The following PSORS1C1 variants were observed in gnomAD, a reference collection of about 807,000 sequenced individuals.
PSORS1C1 encodes psoriasis susceptibility 1 candidate 1, also known as psoriasis susceptibility 1 candidate gene 1 protein.
PSORS1C1 carries 7 observed loss-of-function variants against 9.4 expected under a neutral mutation model. The ratio of observed to expected loss-of-function variants is 0.75; its 90% CI spans 0.42 to 1.40. The LOEUF is 1.40. Among genes scored for constraint, PSORS1C1 ranks in the 40% most tolerant of loss-of-function variants. The pLI, the probability that PSORS1C1 is intolerant of heterozygous loss-of-function variation, is 0.01. For synonymous variants in PSORS1C1, 63 were observed against 69.4 expected (o/e 0.91, Z 0.46); for missense variants, 146 against 178.1 (o/e 0.82, Z 1.02).
chr6:31,138,475 C>T lies in PSORS1C1; in HGVS notation c.43+16C>T, dbSNP rs570814240. On this transcript the variant is annotated intron_variant, in intron 4 of 5. Coordinates refer to ENST00000259881, the MANE Select transcript of PSORS1C1 (RefSeq NM_014068.3). ...AGAGCTCTCGGTAGGTTTGTAAATA[C>T]TTAACTGATGGTAAAATGTCATGAA... 3 of 1,610,620 alleles carry T rather than the reference C, an allele frequency of 1.9e-6. No individual in the cohort carries two copies. The highest frequency in any genetic ancestry group is 4.5e-5 in the East Asian group (2 of 44,688).
At chr6:31,138,594 C>T in intron 4 of PSORS1C1, 62 bp from the exon 5 acceptor site, 5 of 1,611,250 alleles carry the variant, frequency 3.1e-6, no homozygotes, top group Non-Finnish European at 4.2e-6. Flanking sequence ...GGTTGGGGTA[C>T]CCCACTAGCT....
intron 3 of PSORS1C1, among the ~76,000 whole-genome samples, chr6:31,131,778 T>C (rs921193610): frequency 2.0e-5 from 3 of 152,184 alleles, no homozygotes; most frequent in Admixed American, 1.3e-4. Flanking sequence ...CATGATAGCA[T>C]TGTTATGCAA....
chr6:31,139,029 CTATGTA>C lies in PSORS1C1; in HGVS notation c.167+251_167+256del. The C allele has an allele frequency of 1.2e-6, 2 of 1,613,998 alleles. No individual in the cohort carries two copies. The highest frequency in any genetic ancestry group is 2.2e-5 in the South Asian group (2 of 91,078). On this transcript the variant is annotated intron_variant, in intron 5 of 5. Transcript: ENST00000259881. The surrounding 1 kb of genome is among the most constrained non-coding windows in gnomAD (Gnocchi z 5.2). ...AGGAGCTTCCAGTTGAGGATCATGG[CTATGTA>C]CTGGCCCCCAAAGCTGGGGTGGGCT...
chr6:31,123,486 G>A (rs150516852), intron 1 of PSORS1C1, among the ~76,000 whole-genome samples: 11 of 152,322 alleles, frequency 7.2e-5, no homozygotes, highest in East Asian at 1.9e-4. Context: ...GTTTGGTGAC[G>A]TCCACAGTAG....
chr6:31,120,587 C>G (rs1305140309), intron 1 of PSORS1C1: 6 of 669,786 alleles, frequency 9.0e-6, no homozygotes, highest in Non-Finnish European at 1.6e-5. Flanking sequence ...TGGTAATCAG[C>G]CCGGTGCATC....
In PSORS1C1 at chr6:31,117,164, T is replaced by C. The variant is rs200396521; in HGVS notation, c.-229+2273T>C. The C allele has an allele frequency of 1.9e-6, 3 of 1,606,408 alleles. No homozygotes were observed. In the East Asian group the frequency reaches 6.7e-5, roughly 36 times the overall value. On this transcript the variant is annotated intron_variant, in intron 1 of 5. Transcript: ENST00000259881. ...CTGCTGCTGCTCGAATGAGAGCTGC[T>C]GCTTCCCGAGTGAGAGCCGCTGTTT...
chr6:31,119,873 T>C (rs1271812006), intron 1 of PSORS1C1, among the ~76,000 whole-genome samples: 1 of 151,770 alleles, frequency 6.6e-6, no homozygotes, highest in Admixed American at 6.6e-5. Context: ...GCCACTGCAC[T>C]CCAGCCTTGG....
At chr6:31,137,771 T>C (rs1345463426) in intron 3 of PSORS1C1, 1 of 415,674 alleles carries the variant, frequency 2.4e-6, no homozygotes, top group Non-Finnish European at 4.3e-6. Context: ...TAAGTATGGA[T>C]CTCAGGAGGG....
chr6:31,124,327 T>G (rs1449443420), intron 1 of PSORS1C1, among the ~76,000 whole-genome samples: 3 of 152,180 alleles, frequency 2.0e-5, no homozygotes, highest in Non-Finnish European at 4.4e-5. Flanking sequence ...ATGTACTGAC[T>G]GCCTGCTGCA....
intron 1 of PSORS1C1, among the ~76,000 whole-genome samples, chr6:31,122,090 G>A (rs369519365): frequency 6.6e-6 from 1 of 152,350 alleles, no homozygotes; most frequent in South Asian, 2.1e-4. Context: ...TCAGAATGAA[G>A]ATGACGTGGG....
chr6:31,136,973 A>AC (rs28728472), intron 3 of PSORS1C1, among the ~76,000 whole-genome samples: 15,446 of 151,456 alleles, frequency 0.1, 838 homozygotes, highest in Middle Eastern at 0.21. Flanking sequence ...ACATGGTGAA[A>AC]CCCCATCTCT....
chr6:31,123,306 G>GT lies in PSORS1C1; in HGVS notation c.-228-2364dup, dbSNP rs533416904. Among the ~76,000 whole-genome samples, 833 of 152,334 alleles carry GT rather than the reference G, an allele frequency of 5.5e-3. 6 individuals carry two copies. The highest frequency in any genetic ancestry group is 0.01 in the Middle Eastern group (3 of 294). ...TGAGCTCTAATCCGCCGTGCTTTTG[G>GT]TTTTTTACTGAAACCCTGCCTTCTG... On this transcript the variant is annotated intron_variant, in intron 1 of 5. Transcript: ENST00000259881.
intron 1 of PSORS1C1, chr6:31,117,028 G>A (rs1173845367): frequency 6.2e-7 from 1 of 1,614,254 alleles, no homozygotes; most frequent in Admixed American, 1.7e-5. Flanking sequence ...GGAAGAGGAA[G>A]AGCTTTGTCC....
At position 31,116,117 on chromosome 6, in the gene PSORS1C1, G is replaced by A. The variant is rs138408228; in HGVS notation, c.-229+1226G>A. The A allele has an allele frequency of 8.1e-6, 13 of 1,610,904 alleles. No individual in the cohort carries two copies. Among genetic ancestry groups the A allele is most frequent in the Middle Eastern group, 1.7e-4 (1 of 6,040 alleles). On this transcript the variant is annotated intron_variant, in intron 1 of 5. Coordinates refer to ENST00000259881, the MANE Select transcript of PSORS1C1 (RefSeq NM_014068.3). ...GGCTTCACTTGGGCTAGGATATCCCGGATGGAGCGGCAGGGGATCTTTCCA... is the reference window on the plus strand; with the variant it reads ...GGCTTCACTTGGGCTAGGATATCCCAGATGGAGCGGCAGGGGATCTTTCCA...
chr6:31,116,386 A>G lies in PSORS1C1; in HGVS notation c.-229+1495A>G, dbSNP rs3132554. 826,113 of 1,603,348 alleles carry G rather than the reference A, an allele frequency of 0.52. 217,911 individuals are homozygous for G. Among genetic ancestry groups the G allele is most frequent in the East Asian group, 0.68 (30,385 of 44,388 alleles). ...AGCACTGCCGCAGGGATGGTAGGGT[A>G]AACCGGAGCTGCTGGAAATGCTAGA... On this transcript the variant is annotated intron_variant, in intron 1 of 5. Coordinates refer to ENST00000259881, the MANE Select transcript of PSORS1C1 (RefSeq NM_014068.3).
intron 1 of PSORS1C1, among the ~76,000 whole-genome samples, chr6:31,124,246 G>A (rs1215005560): frequency 6.6e-6 from 1 of 152,152 alleles, no homozygotes; most frequent in African/African-American, 2.4e-5. Flanking sequence ...GTGGAGGTGG[G>A]AGGAATCCGA....
chr6:31,122,614 A>G (rs1191778056), intron 1 of PSORS1C1, among the ~76,000 whole-genome samples: 1 of 122,744 alleles, frequency 8.1e-6, no homozygotes, highest in African/African-American at 3.7e-5. Context: ...CGTCTCTACC[A>G]AAAATACAAA....
chr6:31,138,546 A>C, intron 4 of PSORS1C1, 87 bp downstream of exon 4: 1 of 1,607,254 alleles, frequency 6.2e-7, no homozygotes, highest in Admixed American at 1.7e-5. Flanking sequence ...CCCACTTTAA[A>C]CTGACCAGAC....
intron 1 of PSORS1C1, chr6:31,117,317 C>T (rs1470964987): frequency 3.2e-6 from 5 of 1,584,912 alleles, no homozygotes; most frequent in Non-Finnish European, 4.3e-6. Context: ...GCAGAACCAC[C>T]CTGGGCAATG....
Sources: allele counts gnomAD v4.1 joint callset (sites outside exome capture counted in the v4.1 genomes callset), GRCh38; gene constraint gnomAD v4.1.1; non-coding constraint Gnocchi (gnomAD v3.1); transcripts MANE v1.5; gene names NCBI Gene and HGNC (gene_info 2026-07-23, HGNC 2026-07-21).